AHI1: variants seen among roughly 807,000 people sequenced by gnomAD.
The protein encoded by AHI1 is jouberin.
A neutral mutation model predicts 149.3 loss-of-function variants in AHI1; 123 were observed. The observed-to-expected ratio is 0.82, with a 90% CI of 0.71 to 0.96. The LOEUF is 0.96. AHI1 is among the 40% of genes least tolerant of loss of function. The pLI, the probability that AHI1 is intolerant of heterozygous loss-of-function variation, is 0.00. For synonymous variants in AHI1, 475 were observed against 459.8 expected, an observed-to-expected ratio of 1.03 and a Z score of -0.42; for missense variants, 1,439 against 1,422.7, an observed-to-expected ratio of 1.01 and a Z score of -0.18.
intron 13 of AHI1, among the ~76,000 whole-genome samples, chr6:135,446,338 G>C (rs1049731383): frequency 6.6e-6 from 1 of 152,174 alleles, no homozygotes; most frequent in Non-Finnish European, 1.5e-5. Flanking sequence ...CATGCACAAA[G>C]ATCATGTGAA....
At chr6:135,301,019 G>A (rs1240072374) in intron 26 of AHI1, 1 of 984,616 alleles carries the variant, frequency 1.0e-6, no homozygotes, top group Non-Finnish European at 1.2e-6. Flanking sequence ...TCTACAAAAT[G>A]TGTTCAGTAT....
chr6:135,365,934 T>C (rs1450649764), intron 23 of AHI1, among the ~76,000 whole-genome samples: 1 of 152,224 alleles, frequency 6.6e-6, no homozygotes, highest in Non-Finnish European at 1.5e-5. Flanking sequence ...CAGTATAATG[T>C]TGGCTGTGGG....
rs770926761 is a variant in AHI1, at chr6:135,455,740, G to T, written c.1338C>A (p.Phe446Leu). ...GSDESPKVILFFEILDFLSVD... is the reference protein window; with the variant it reads ...GSDESPKVILLFEILDFLSVD... Reference sequence around the variant, plus strand: ...TGGTCCATTCAATTCATACCTCAAAGAACAGGATGACTTTAGGACTCTCAT... The same window carrying T: ...TGGTCCATTCAATTCATACCTCAAATAACAGGATGACTTTAGGACTCTCAT... The change falls in exon 10 of 29, where the codon TTC (phenylalanine) becomes TTA (leucine). Residue 446 changes from phenylalanine (F) to leucine (L), a missense_variant. By Grantham distance (22) the Phe-to-Leu change is conservative. Transcript: ENST00000265602. 2 of 1,586,540 alleles carry T rather than the reference G, an allele frequency of 1.3e-6. No individual in the cohort carries two copies. The highest frequency in any genetic ancestry group is 3.4e-5 in the Admixed American group (2 of 58,262).
chr6:135,467,925 C>T (rs1395182999), intron 5 of AHI1, among the ~76,000 whole-genome samples: 2 of 152,152 alleles, frequency 1.3e-5, no homozygotes, highest in African/African-American at 4.8e-5. Flanking sequence ...TACATGTTAA[C>T]ATTCGGTGCT....
At chr6:135,393,123 G>A (rs1778750569) in intron 23 of AHI1, among the ~76,000 whole-genome samples, 2 of 152,006 alleles carry the variant, frequency 1.3e-5, no homozygotes, top group Admixed American at 6.5e-5. Context: ...AAACTGAAGC[G>A]AAATGGAGCC....
chr6:135,315,052 C>T (rs1382719789), intron 26 of AHI1, among the ~76,000 whole-genome samples: 3 of 152,132 alleles, frequency 2.0e-5, no homozygotes, highest in African/African-American at 7.2e-5. Flanking sequence ...AATGTGAAGC[C>T]AAAGTTGAGA....
chr6:135,385,972 C>T (rs946744516), intron 23 of AHI1, among the ~76,000 whole-genome samples: 6 of 152,136 alleles, frequency 3.9e-5, no homozygotes, highest in African/African-American at 1.4e-4. Flanking sequence ...ATAGCATTTA[C>T]CAATGGGAGA....
At chr6:135,313,877 G>C (rs763014191) in intron 26 of AHI1, among the ~76,000 whole-genome samples, 1 of 152,162 alleles carries the variant, frequency 6.6e-6, no homozygotes, top group African/African-American at 2.4e-5. Context: ...ACTAAGGGAG[G>C]GGGGGTCAGG....
intron 23 of AHI1, among the ~76,000 whole-genome samples, chr6:135,376,535 T>C (rs1775938658): frequency 6.6e-6 from 1 of 152,154 alleles, no homozygotes; most frequent in Non-Finnish European, 1.5e-5. Context: ...CAAAAAAGTT[T>C]AGCCTGAATA....
At chr6:135,470,707 T>C (rs948390231) in intron 5 of AHI1, among the ~76,000 whole-genome samples, 2 of 151,972 alleles carry the variant, frequency 1.3e-5, no homozygotes, top group African/African-American at 2.4e-5. Flanking sequence ...AAACACTGCA[T>C]GTTATCACTT....
chr6:135,444,811 A>G (rs962536396), intron 13 of AHI1, among the ~76,000 whole-genome samples: 6 of 152,246 alleles, frequency 3.9e-5, no homozygotes, highest in African/African-American at 1.2e-4. Context: ...AGAAAATGCT[A>G]GTACATACTT....
intron 24 of AHI1, among the ~76,000 whole-genome samples, chr6:135,350,039 C>T (rs938411087): frequency 6.6e-6 from 1 of 152,188 alleles, no homozygotes; most frequent in South Asian, 2.1e-4. Flanking sequence ...TTTCACAGAA[C>T]AAGGAAAAAG....
At chr6:135,365,079 T>C (rs1210304515) in intron 23 of AHI1, among the ~76,000 whole-genome samples, 1 of 152,248 alleles carries the variant, frequency 6.6e-6, no homozygotes, top group East Asian at 1.9e-4. Flanking sequence ...GAACAGGGTG[T>C]CCTTTCCTCA....
intron 28 of AHI1, among the ~76,000 whole-genome samples, chr6:135,288,218 A>G (rs2128338116): frequency 6.6e-6 from 1 of 152,122 alleles, no homozygotes; most frequent in Admixed American, 6.5e-5. Flanking sequence ...CAGGGGAGGA[A>G]AAAAATGTGA....
At chr6:135,329,265 T>A (rs999443283) in intron 24 of AHI1, among the ~76,000 whole-genome samples, 1 of 152,178 alleles carries the variant, frequency 6.6e-6, no homozygotes. Context: ...CTTTCATAGC[T>A]AGAGAGGAGA....
At chr6:135,466,723 C>T (rs141697602) in intron 6 of AHI1, among the ~76,000 whole-genome samples, 107 of 152,224 alleles carry the variant, frequency 7.0e-4, no homozygotes, top group Admixed American at 3.7e-3. Flanking sequence ...CGAGAAATTG[C>T]TAAAAGAGCC....
At chr6:135,328,829 T>A (rs1788104268) in intron 24 of AHI1, among the ~76,000 whole-genome samples, 1 of 152,112 alleles carries the variant, frequency 6.6e-6, no homozygotes, top group Non-Finnish European at 1.5e-5. Context: ...AAGGAAAAGT[T>A]CTTGAAGGAA....
At chr6:135,473,436 C>G (rs1268703618) in intron 5 of AHI1, among the ~76,000 whole-genome samples, 2 of 152,090 alleles carry the variant, frequency 1.3e-5, no homozygotes, top group African/African-American at 4.8e-5. Context: ...CTGTTGTTTA[C>G]AGTTCCCAAT....
At chr6:135,329,848 G>GTCA (rs1429861022) in intron 24 of AHI1, among the ~76,000 whole-genome samples, 2 of 152,152 alleles carry the variant, frequency 1.3e-5, no homozygotes, top group Non-Finnish European at 2.9e-5. Context: ...ACATTAACAG[G>GTCA]GGTGTGGAAG....
Sources: gnomAD v4.1 joint callset for allele counts (sites outside exome capture counted in the v4.1 genomes callset) on GRCh38, gnomAD v4.1.1 for gene constraint, MANE v1.5 for transcripts, NCBI Gene and HGNC (gene_info 2026-07-23, HGNC 2026-07-21) for gene names.